Variants in DCLK2 observed in about 807,000 individuals in gnomAD.
The protein encoded by DCLK2 is serine/threonine-protein kinase DCLK2.
DCLK2 carries 31 observed loss-of-function variants against 78.4 expected under a neutral mutation model. That is an observed-to-expected ratio of 0.40 (90% CI 0.30 to 0.53). The LOEUF (loss-of-function observed/expected upper bound fraction) is 0.53. Ranked by LOEUF, DCLK2 falls within the 20% of genes least tolerant of loss-of-function variation. The pLI is 0.61. For synonymous variants in DCLK2, 407 were observed against 374.9 expected, an observed-to-expected ratio of 1.09 and a Z score of -0.99; for missense variants, 872 against 973.7, an observed-to-expected ratio of 0.90 and a Z score of 1.39.
intron 2 of DCLK2, among the ~76,000 whole-genome samples, chr4:150,108,888 G>A (rs964089868): frequency 1.3e-5 from 2 of 152,168 alleles, no homozygotes; most frequent in Non-Finnish European, 2.9e-5. Context: ...ATTGCTTGCA[G>A]TTGATGCTTT....
At chr4:150,162,673 G>C (rs80050708) in intron 2 of DCLK2, among the ~76,000 whole-genome samples, 3,193 of 151,662 alleles carry the variant, frequency 0.021, 112 homozygotes, top group African/African-American at 0.073. Context: ...CTCTCACTCT[G>C]TGGCCCAGGC....
At chr4:150,153,549 A>T (rs1735041782) in intron 2 of DCLK2, among the ~76,000 whole-genome samples, 1 of 140,962 alleles carries the variant, frequency 7.1e-6, no homozygotes. Flanking sequence ...TGGGAACTAC[A>T]TGCATGTGCC....
intron 2 of DCLK2, among the ~76,000 whole-genome samples, chr4:150,177,620 A>G (rs186217696): frequency 6.6e-6 from 1 of 152,364 alleles, no homozygotes; most frequent in East Asian, 1.9e-4. Flanking sequence ...TAATGATAGA[A>G]TTATCTTTCA....
At chr4:150,142,688 C>G (rs774951817) in intron 2 of DCLK2, among the ~76,000 whole-genome samples, 9 of 152,088 alleles carry the variant, frequency 5.9e-5, no homozygotes, top group Non-Finnish European at 1.0e-4. Flanking sequence ...ACCCTTGGAT[C>G]CGAGACTCTG....
chr4:150,196,595 G>A lies in DCLK2; in HGVS notation c.860-1407G>A, dbSNP rs115296184. Among the ~76,000 whole-genome samples the A allele has an allele frequency of 6.9e-3, 1,041 of 151,866 alleles. 10 individuals are homozygous for A. Among genetic ancestry groups the A allele is most frequent in the Middle Eastern group, 0.045 (13 of 292 alleles). On this transcript the variant is annotated intron_variant, in intron 3 of 15. Transcript: ENST00000296550. Reference sequence around the variant, plus strand: ...ATTTTAGAGTAAACTACTACAGACAGTATGTTACCTAATTTAACTCTTATA... The same window carrying A: ...ATTTTAGAGTAAACTACTACAGACAATATGTTACCTAATTTAACTCTTATA...
intron 15 of DCLK2, chr4:150,254,379 C>T: frequency 2.5e-6 from 1 of 399,230 alleles, no homozygotes; most frequent in East Asian, 3.6e-5. Flanking sequence ...CTGCTTCTCT[C>T]CTGCCTTCTG....
Position 150,079,351 on chromosome 4 carries a change from C to A in DCLK2, c.324C>A (p.Arg108=). The part of the protein sequence containing the change: ...SFDALLIELT[R]SLSDNVNLPQ... ...ATGCGCTCCTCATAGAGCTCACCCG[C>A]TCCCTGTCGGACAACGTGAACCTGC... Residue 108 remains arginine, a synonymous_variant, in exon 1 of 16, where the codon CGC becomes CGA. Coordinates refer to ENST00000296550, the MANE Select transcript of DCLK2 (RefSeq NM_001040260.4). 6.3e-7 allele frequency: 1 copy of A among 1,588,086 alleles called. No homozygotes were observed. Among genetic ancestry groups the A allele is most frequent in the Non-Finnish European group, 8.6e-7 (1 of 1,167,300 alleles).
At chr4:150,185,603 A>G (rs934579690) in intron 2 of DCLK2, among the ~76,000 whole-genome samples, 8 of 151,252 alleles carry the variant, frequency 5.3e-5, no homozygotes, top group Non-Finnish European at 1.0e-4. Flanking sequence ...AATCCCAACT[A>G]CTCGGGAGGC....
At chr4:150,118,007 A>C (rs1350411484) in intron 2 of DCLK2, among the ~76,000 whole-genome samples, 1 of 152,180 alleles carries the variant, frequency 6.6e-6, no homozygotes, top group Non-Finnish European at 1.5e-5. Context: ...ACAGTGGGGA[A>C]ATTGAGGCCA....
intron 8 of DCLK2, among the ~76,000 whole-genome samples, chr4:150,231,724 C>T (rs966414415): frequency 2.0e-5 from 3 of 152,118 alleles, no homozygotes; most frequent in Admixed American, 1.3e-4. Context: ...TAGTGGTCCC[C>T]GTGGTTCTGT....
At chr4:150,201,039 A>G (rs1739409590) in intron 4 of DCLK2, among the ~76,000 whole-genome samples, 3 of 152,058 alleles carry the variant, frequency 2.0e-5, no homozygotes, top group Admixed American at 2.0e-4. Flanking sequence ...GCTGGTCTCT[A>G]ATTCCTGATA....
At chr4:150,250,880 A>AT (rs1743764017) in intron 15 of DCLK2, among the ~76,000 whole-genome samples, 1 of 29,874 alleles carries the variant, frequency 3.3e-5, no homozygotes, top group Middle Eastern at 0.019. Context: ...CATCCCCCAC[A>AT]CTCCCCACAC....
At chr4:150,192,142 A>G (rs1317440796) in intron 2 of DCLK2, among the ~76,000 whole-genome samples, 3 of 152,166 alleles carry the variant, frequency 2.0e-5, no homozygotes, top group Non-Finnish European at 4.4e-5. Context: ...GTTCTGTGGA[A>G]CTGAAACTAA....
chr4:150,168,197 G>C (rs1391065255), intron 2 of DCLK2, among the ~76,000 whole-genome samples: 1 of 152,080 alleles, frequency 6.6e-6, no homozygotes, highest in Non-Finnish European at 1.5e-5. Context: ...CAAAAAATTA[G>C]CTGGGCGTGG....
intron 1 of DCLK2, among the ~76,000 whole-genome samples, chr4:150,082,123 G>GAACT (rs1671073315): frequency 1.3e-5 from 2 of 152,002 alleles, no homozygotes; most frequent in African/African-American, 4.8e-5. Context: ...TCATGTAGGA[G>GAACT]AACTAAGCAG....
chr4:150,149,598 T>G (rs1240779879), intron 2 of DCLK2, among the ~76,000 whole-genome samples: 1 of 152,226 alleles, frequency 6.6e-6, no homozygotes, highest in Non-Finnish European at 1.5e-5. Context: ...ATTTTGGTTT[T>G]TGGTTTGTGG....
intron 2 of DCLK2, among the ~76,000 whole-genome samples, chr4:150,191,263 A>T (rs1317461245): frequency 2.0e-5 from 3 of 152,098 alleles, no homozygotes; most frequent in Non-Finnish European, 4.4e-5. Flanking sequence ...AAGGAGCATT[A>T]TCTTGCCATA....
At chr4:150,147,174 T>A (rs1734539600) in intron 2 of DCLK2, among the ~76,000 whole-genome samples, 1 of 152,092 alleles carries the variant, frequency 6.6e-6, no homozygotes, top group African/African-American at 2.4e-5. Flanking sequence ...GTGCCATGCC[T>A]ATAGTCCCAC....
chr4:150,240,801 A>G (rs998121603), intron 12 of DCLK2, among the ~76,000 whole-genome samples: 4 of 152,008 alleles, frequency 2.6e-5, no homozygotes, highest in East Asian at 1.9e-4. Flanking sequence ...AAAATTACAT[A>G]AAACACCTTT....
Sources: gnomAD v4.1 joint callset for allele counts (sites outside exome capture counted in the v4.1 genomes callset) on GRCh38, gnomAD v4.1.1 for gene constraint, MANE v1.5 for transcripts, NCBI Gene and HGNC (gene_info 2026-07-23, HGNC 2026-07-21) for gene names.